The following ATXN2 variants were observed in gnomAD, a reference collection of about 807,000 sequenced individuals.
The protein encoded by ATXN2 is ataxin 2.
A neutral mutation model predicts 138.6 loss-of-function variants in ATXN2; 37 were observed. The ratio of observed to expected loss-of-function variants is 0.27; its 90% CI spans 0.21 to 0.35. The LOEUF (loss-of-function observed/expected upper bound fraction) is 0.35. ATXN2 is among the 10% of genes least tolerant of loss of function. The pLI is 1.00. For missense variants in ATXN2, 1,216 were observed against 1,480.3 expected (o/e 0.82, Z 2.93); for synonymous variants, 549 against 543.7 (o/e 1.01, Z -0.13).
intron 18 of ATXN2, among the ~76,000 whole-genome samples, chr12:111,483,167 G>A (rs12309980): frequency 0.11 from 14,991 of 142,210 alleles, 2,586 homozygotes; most frequent in African/African-American, 0.37. Context: ...AGCCTCAGCA[G>A]CAAAGCAAGA....
chr12:111,563,110 A>G (rs1415509030), intron 1 of ATXN2, among the ~76,000 whole-genome samples: 2 of 152,212 alleles, frequency 1.3e-5, no homozygotes. Context: ...GAAACCTCAG[A>G]TAAACCCTAG....
At position 111,581,551 on chromosome 12, in the gene ATXN2, C is replaced by T. The variant is rs577614445; in HGVS notation, c.251+17233G>A. 25 of 957,664 alleles carry T rather than the reference C, an allele frequency of 2.6e-5. No homozygotes were observed. In the East Asian group the frequency reaches 4.8e-4, roughly 18 times the overall value. 59.3% of individuals were successfully genotyped at this position (957,664 alleles called of 1,614,324 possible). A position where few individuals can be genotyped will look rare whatever the true frequency, so the allele number is the denominator to read the frequency against. Reference sequence around the variant, plus strand: ...GCGAGAACTCCGTGCCCGACCATGTCGTCTGGTCCCTGTTCAACACCCACT... The same window carrying T: ...GCGAGAACTCCGTGCCCGACCATGTTGTCTGGTCCCTGTTCAACACCCACT... On this transcript the variant is annotated intron_variant, in intron 1 of 24. Transcript: ENST00000673436.
At chr12:111,560,567 G>C (rs1365226760) in intron 1 of ATXN2, among the ~76,000 whole-genome samples, 3 of 152,118 alleles carry the variant, frequency 2.0e-5, no homozygotes, top group African/African-American at 7.2e-5. Context: ...CATACCCAAG[G>C]CTGCATCCCA....
chr12:111,584,782 A>T (rs1286368821), intron 1 of ATXN2, among the ~76,000 whole-genome samples: 1 of 151,922 alleles, frequency 6.6e-6, no homozygotes, highest in Non-Finnish European at 1.5e-5. Context: ...CCTGACCAAC[A>T]TGGAGAAACC....
At chr12:111,457,030 G>A (rs892107831) in intron 22 of ATXN2, among the ~76,000 whole-genome samples, 184 bp downstream of exon 22, 1 of 152,172 alleles carries the variant, frequency 6.6e-6, no homozygotes, top group Non-Finnish European at 1.5e-5. Context: ...TTACAGGCGT[G>A]AGCCACTGCG....
chr12:111,527,083 C>A (rs1050332768), intron 5 of ATXN2, among the ~76,000 whole-genome samples: 3 of 152,212 alleles, frequency 2.0e-5, no homozygotes, highest in African/African-American at 7.2e-5. Context: ...TGTTAGCTGA[C>A]CATACTGCTG....
intron 21 of ATXN2, among the ~76,000 whole-genome samples, chr12:111,459,613 G>C (rs1168969411): frequency 2.0e-5 from 3 of 152,024 alleles, no homozygotes; most frequent in Non-Finnish European, 2.9e-5. Context: ...GCTGATTTTT[G>C]TATTTTTAGT....
chr12:111,453,463 C>T lies in ATXN2; in HGVS notation c.3439+214G>A, dbSNP rs1214980918. ...GCTGCTGCTTCTCATCAAGCCAAAT[C>T]CTGTATACCATCAGAACACACACAG... On this transcript the variant is annotated intron_variant, in intron 24 of 24. Coordinates refer to ENST00000673436, the MANE Select transcript of ATXN2 (RefSeq NM_001372574.1). The surrounding 1 kb of genome is among the most constrained non-coding windows in gnomAD (Gnocchi z 5.4). 3.1e-6 allele frequency: 4 copies of T among 1,298,116 alleles called. No homozygotes were observed. The highest frequency in any genetic ancestry group is 1.5e-5 in the African/African-American group (1 of 65,360). 80.4% of individuals were successfully genotyped at this position (1,298,116 alleles called of 1,614,324 possible). A position where few individuals can be genotyped will look rare whatever the true frequency, so the allele number is the denominator to read the frequency against.
chr12:111,594,043 C>T (rs983481532), intron 1 of ATXN2, among the ~76,000 whole-genome samples: 4 of 152,194 alleles, frequency 2.6e-5, no homozygotes, highest in Middle Eastern at 3.2e-3. Context: ...CCCACACTCC[C>T]TATACCTTTA....
At chr12:111,501,033 A>G (rs528816022) in intron 14 of ATXN2, among the ~76,000 whole-genome samples, 12 of 152,158 alleles carry the variant, frequency 7.9e-5, no homozygotes, top group Non-Finnish European at 1.8e-4. Flanking sequence ...TACACAAAGA[A>G]ATGATGAATG....
At chr12:111,525,027 C>A (rs188379375) in intron 6 of ATXN2, among the ~76,000 whole-genome samples, 165 bp downstream of exon 6, 1 of 152,302 alleles carries the variant, frequency 6.6e-6, no homozygotes, top group African/African-American at 2.4e-5. Flanking sequence ...AAACATTTTT[C>A]TTTATATATT....
chr12:111,585,699 G>A (rs1566081814), intron 1 of ATXN2, among the ~76,000 whole-genome samples: 1 of 148,848 alleles, frequency 6.7e-6, no homozygotes, highest in African/African-American at 2.5e-5. Flanking sequence ...AGCTACTCAG[G>A]AGTCAGGCAG....
intron 1 of ATXN2, among the ~76,000 whole-genome samples, chr12:111,586,786 G>A (rs1379501399): frequency 6.6e-6 from 1 of 152,040 alleles, no homozygotes; most frequent in Admixed American, 6.6e-5. Flanking sequence ...CTCCCAAAGT[G>A]CTGGGATTAC....
At chr12:111,465,864 T>C (rs1875970668) in intron 20 of ATXN2, among the ~76,000 whole-genome samples, 1 of 147,304 alleles carries the variant, frequency 6.8e-6, no homozygotes, top group Admixed American at 6.7e-5. Context: ...TGATGGAAGT[T>C]AGATTAAGAG....
intron 14 of ATXN2, among the ~76,000 whole-genome samples, chr12:111,489,049 C>T (rs1317520331): frequency 1.3e-5 from 2 of 152,084 alleles, no homozygotes; most frequent in African/African-American, 2.4e-5. Context: ...ATTGTGCCTG[C>T]TGGGTGAGAA....
intron 18 of ATXN2, among the ~76,000 whole-genome samples, chr12:111,484,886 A>T (rs1303906161): frequency 6.6e-6 from 1 of 152,098 alleles, no homozygotes; most frequent in Non-Finnish European, 1.5e-5. Flanking sequence ...ATATGCCACC[A>T]TGCCCAGCTA....
intron 11 of ATXN2, 196 bp downstream of exon 11, chr12:111,513,161 T>C: frequency 1.8e-6 from 1 of 565,778 alleles, no homozygotes; most frequent in Non-Finnish European, 3.0e-6. Context: ...TCAGAATGAG[T>C]GTCTGACTTG....
At chr12:111,566,429 A>C (rs1220394605) in intron 1 of ATXN2, among the ~76,000 whole-genome samples, 6 of 142,128 alleles carry the variant, frequency 4.2e-5, no homozygotes, top group African/African-American at 1.7e-4. Context: ...AGCAAAAAAA[A>C]CTCCATCTCA....
At chr12:111,581,782 C>G (rs1884019807) in intron 1 of ATXN2, 2 of 551,596 alleles carry the variant, frequency 3.6e-6, no homozygotes, top group East Asian at 3.6e-5. Flanking sequence ...ATCAACAGAT[C>G]AGGAGGCATT....
Sources: gnomAD v4.1 joint callset for allele counts (sites outside exome capture counted in the v4.1 genomes callset) on GRCh38, gnomAD v4.1.1 for gene constraint, Gnocchi (gnomAD v3.1) non-coding constraint, MANE v1.5 for transcripts, NCBI Gene and HGNC (gene_info 2026-07-23, HGNC 2026-07-21) for gene names.